Variants in NCOA2 observed in about 807,000 individuals in gnomAD.
The protein encoded by NCOA2 is nuclear receptor coactivator 2, also known as class E basic helix-loop-helix protein 75.
Under a neutral mutation model 145.1 loss-of-function variants are expected in NCOA2, and 21 were observed. The observed-to-expected ratio is 0.14, with a 90% CI of 0.10 to 0.21. NCOA2 has a LOEUF of 0.21. Ranked by LOEUF, NCOA2 falls within the 10% of genes least tolerant of loss-of-function variation. The pLI is 1.00. For missense variants in NCOA2, 1,472 were observed against 1,837.6 expected (o/e 0.80, Z 3.64); for synonymous variants, 619 against 637.5 (o/e 0.97, Z 0.44).
At chr8:70,358,555 C>T (rs963159286) in intron 1 of NCOA2, among the ~76,000 whole-genome samples, 6 of 152,074 alleles carry the variant, frequency 3.9e-5, no homozygotes, top group African/African-American at 1.2e-4. Flanking sequence ...AGCATATCCA[C>T]ATACAAAAAA....
At chr8:70,149,071 T>C (rs1430724777) in intron 11 of NCOA2, among the ~76,000 whole-genome samples, 3 of 152,020 alleles carry the variant, frequency 2.0e-5, no homozygotes, top group Admixed American at 2.0e-4. Context: ...CTTTTCAATT[T>C]GAGTAGTCCT....
At chr8:70,268,383 A>G (rs1479258519) in intron 2 of NCOA2, among the ~76,000 whole-genome samples, 4 of 152,170 alleles carry the variant, frequency 2.6e-5, no homozygotes, top group African/African-American at 9.7e-5. Flanking sequence ...ATTTAATGAT[A>G]CTCAATCTAG....
chr8:70,189,280 T>C (rs1355233793), intron 4 of NCOA2, among the ~76,000 whole-genome samples: 1 of 152,216 alleles, frequency 6.6e-6, no homozygotes, highest in East Asian at 1.9e-4. Flanking sequence ...GATGCCATTT[T>C]CTCAAGGAAA....
At chr8:70,423,124 TGGCTCAGTGTAAA>T in the NCOA2 span, among the ~76,000 whole-genome samples, 6 of 152,222 alleles carry the variant, frequency 3.9e-5, no homozygotes, top group African/African-American at 1.4e-4. Flanking sequence ...TCCCTCCACT[TGGCTCAGTGTAAA>T]GGCTGAGCCT....
chr8:70,204,406 G>A (rs1818229643), intron 4 of NCOA2, among the ~76,000 whole-genome samples: 1 of 152,140 alleles, frequency 6.6e-6, no homozygotes, highest in Non-Finnish European at 1.5e-5. Flanking sequence ...GAATCTAAGA[G>A]AGTTAACAGT....
intron 2 of NCOA2, among the ~76,000 whole-genome samples, chr8:70,238,322 TTAGTA>T (rs1031442700): frequency 2.0e-5 from 3 of 152,204 alleles, no homozygotes; most frequent in Non-Finnish European, 4.4e-5. Context: ...TGCTTAGTAA[TTAGTA>T]TAGTGTTGAA....
chr8:70,287,574 T>C (rs531619725), intron 2 of NCOA2, among the ~76,000 whole-genome samples: 9 of 152,366 alleles, frequency 5.9e-5, no homozygotes, highest in African/African-American at 2.2e-4. Flanking sequence ...TGTTTTTCCA[T>C]CTTTCAAAAC....
In NCOA2 at chr8:70,326,429, T is replaced by TCACACA. The variant is rs56218328; in HGVS notation, c.-76-29635_-76-29630dup. 3.4e-3 allele frequency among the ~76,000 whole-genome samples: 512 copies of TCACACA among 149,238 alleles called. 3 individuals carry two copies. Among genetic ancestry groups the TCACACA allele is most frequent in the African/African-American group, 9.7e-3 (395 of 40,646 alleles). Reference sequence around the variant, plus strand: ...ACTACCCTTTCTGCATTTCTCTCTCTCACACACACACACACACACACGTGC... The same window carrying TCACACA: ...ACTACCCTTTCTGCATTTCTCTCTCTCACACACACACACACACACACACACACGTGC... On this transcript the variant is annotated intron_variant, in intron 1 of 22. Transcript: ENST00000452400.
At chr8:70,219,810 C>G (rs765485882) in intron 2 of NCOA2, among the ~76,000 whole-genome samples, 1 of 152,126 alleles carries the variant, frequency 6.6e-6, no homozygotes, top group Admixed American at 6.5e-5. Flanking sequence ...AGTGGACTGT[C>G]TGATATTTCT....
At chr8:70,147,773 T>C (rs933239398) in intron 12 of NCOA2, among the ~76,000 whole-genome samples, 4 of 152,232 alleles carry the variant, frequency 2.6e-5, no homozygotes, top group African/African-American at 9.6e-5. Context: ...TGTGTAGCCC[T>C]TTCATGTAAA....
the NCOA2 span, among the ~76,000 whole-genome samples, chr8:70,423,712 C>T: frequency 3.0e-4 from 45 of 152,188 alleles, no homozygotes; most frequent in Non-Finnish European, 5.9e-4. Context: ...GAATCACTAT[C>T]CCACTTCATG....
the NCOA2 span, among the ~76,000 whole-genome samples, chr8:70,434,265 C>T: frequency 6.6e-6 from 1 of 152,150 alleles, no homozygotes; most frequent in Non-Finnish European, 1.5e-5. Flanking sequence ...AACAAGCATA[C>T]TATAAATAAA....
At chr8:70,259,692 T>C (rs1823949268) in intron 2 of NCOA2, among the ~76,000 whole-genome samples, 1 of 152,192 alleles carries the variant, frequency 6.6e-6, no homozygotes, top group Non-Finnish European at 1.5e-5. Flanking sequence ...ATTTAGAGTC[T>C]TAGACACTTA....
intron 1 of NCOA2, among the ~76,000 whole-genome samples, chr8:70,389,285 T>A (rs1812964309): frequency 6.8e-6 from 1 of 146,928 alleles, no homozygotes; most frequent in African/African-American, 2.5e-5. Context: ...CAGGCCAAAT[T>A]TTTTTTTTTT....
At chr8:70,387,560 C>T (rs1812781127) in intron 1 of NCOA2, among the ~76,000 whole-genome samples, 1 of 152,154 alleles carries the variant, frequency 6.6e-6, no homozygotes, top group Non-Finnish European at 1.5e-5. Flanking sequence ...TGGCTCCCAA[C>T]ACGACTGCAA....
the NCOA2 span, among the ~76,000 whole-genome samples, chr8:70,452,002 TCTCA>T: frequency 2.0e-5 from 3 of 152,208 alleles, no homozygotes; most frequent in Middle Eastern, 3.4e-3. Flanking sequence ...TGAGACAGGA[TCTCA>T]CTCTGTTGCC....
intron 1 of NCOA2, among the ~76,000 whole-genome samples, chr8:70,390,792 C>A (rs977764242): frequency 6.0e-5 from 9 of 149,838 alleles, no homozygotes; most frequent in Admixed American, 4.0e-4. Flanking sequence ...TAAATAAATA[C>A]ATACATACAT....
intron 22 of NCOA2, among the ~76,000 whole-genome samples, chr8:70,114,296 G>T (rs1806843371): frequency 6.6e-6 from 1 of 152,192 alleles, no homozygotes; most frequent in Non-Finnish European, 1.5e-5. Context: ...AAAATGCTGG[G>T]ATTACAGGTG....
At chr8:70,253,065 T>C (rs931908336) in intron 2 of NCOA2, among the ~76,000 whole-genome samples, 1 of 152,238 alleles carries the variant, frequency 6.6e-6, no homozygotes, top group African/African-American at 2.4e-5. Flanking sequence ...TTCTGTTTTC[T>C]ACTTATTCTT....
Sources: allele counts gnomAD v4.1 joint callset (sites outside exome capture counted in the v4.1 genomes callset), GRCh38; gene constraint gnomAD v4.1.1; transcripts MANE v1.5; gene names NCBI Gene and HGNC (gene_info 2026-07-23, HGNC 2026-07-21).